The following LLGL1 variants were observed in gnomAD, a reference collection of about 807,000 sequenced individuals.
LLGL1 encodes lethal(2) giant larvae protein homolog 1.
LLGL1 carries 58 observed loss-of-function variants against 110.6 expected under a neutral mutation model. That is an observed-to-expected ratio of 0.52 (90% confidence interval 0.42 to 0.65). The LOEUF is 0.65. Ranked by LOEUF, LLGL1 falls within the 30% of genes least tolerant of loss-of-function variation. The pLI, the probability that LLGL1 is intolerant of heterozygous loss-of-function variation, is 0.00. For missense variants in LLGL1, 1,229 were observed against 1,462.1 expected, an observed-to-expected ratio of 0.84 and a Z score of 2.60; for synonymous variants, 674 against 607.2, an observed-to-expected ratio of 1.11 and a Z score of -1.62.
intron 1 of LLGL1, among the ~76,000 whole-genome samples, chr17:18,227,996 G>A (rs929379720): frequency 2.0e-5 from 3 of 152,178 alleles, no homozygotes; most frequent in African/African-American, 7.2e-5. Flanking sequence ...TCCCAGTCCA[G>A]CCCACACATC....
chr17:18,226,563 C>T (rs749334043), intron 1 of LLGL1, among the ~76,000 whole-genome samples: 2 of 152,250 alleles, frequency 1.3e-5, no homozygotes, highest in Admixed American at 6.5e-5. Flanking sequence ...CTGTGTACTA[C>T]ACTGCACTTC....
chr17:18,225,836 C>T (rs1205932775), intron 1 of LLGL1, 73 bp downstream of exon 1: 1 of 369,486 alleles, frequency 2.7e-6, no homozygotes, highest in Non-Finnish European at 3.6e-6. Flanking sequence ...GGCCCGGGGT[C>T]GGAGCCACGT....
chr17:18,236,611 G>C lies in LLGL1; in HGVS notation c.1357G>C (p.Glu453Gln), dbSNP rs771867490. Residue 453 changes from glutamate (E) to glutamine (Q), a missense_variant, in exon 12 of 23, where the codon GAG (glutamate) becomes CAG (glutamine). Coordinates refer to ENST00000316843, the MANE Select transcript of LLGL1 (RefSeq NM_004140.4). ...TGACATCTGCCCTCCCTGCAGCCAT[G>C]AGGACGGCACCGTGAGGTTCTGGGA... ...SQRGLLLTGH[E>Q]DGTVRFWDAS... The C allele has an allele frequency of 1.4e-5, 22 of 1,609,754 alleles. No individual in the cohort carries two copies. Among genetic ancestry groups the C allele is most frequent in the Non-Finnish European group, 1.7e-5 (20 of 1,177,722 alleles).
Position 18,235,773 on chromosome 17 carries a change from C to T in LLGL1, c.1352+236C>T, listed in dbSNP as rs945933044. The T allele has an allele frequency of 7.4e-6, 4 of 542,218 alleles. No individual in the cohort carries two copies. The African/African-American group carries it at 7.6e-5, about 10-fold the overall frequency. 33.6% of individuals were successfully genotyped at this position (542,218 alleles called of 1,614,324 possible). Reference sequence around the variant, plus strand: ...GCTCTACCAAACCCCAGGGCTCCACCCGCCCAGCCTGCCTGCCCTGGGACT... The same window carrying T: ...GCTCTACCAAACCCCAGGGCTCCACTCGCCCAGCCTGCCTGCCCTGGGACT... On this transcript the variant is annotated intron_variant, in intron 11 of 22. Coordinates refer to ENST00000316843, the MANE Select transcript of LLGL1 (RefSeq NM_004140.4).
In LLGL1 at chr17:18,238,362, T is replaced by C. The variant is rs1015721475; in HGVS notation, c.2053-94T>C. ...AGAGGGATGGGTGAACTAAGCTGGG[T>C]GGTAGAGGAATGGTAACAGAACGTA... On this transcript the variant is annotated intron_variant, in intron 15 of 22. Transcript: ENST00000316843. 9.6e-6 allele frequency: 15 copies of C among 1,564,472 alleles called. No individual in the cohort carries two copies. The South Asian group carries it at 1.5e-4, about 16-fold the overall frequency.
chr17:18,225,715 C>A lies in LLGL1; in HGVS notation c.33C>A (p.Ala11=). 9.5e-7 allele frequency: 1 copy of A among 1,056,586 alleles called. No individual in the cohort carries two copies. Among genetic ancestry groups the A allele is most frequent in the Non-Finnish European group, 1.2e-6 (1 of 865,140 alleles). The allele number at this position is 1,056,586 out of a possible 1,614,324, so 65.5% of individuals were successfully genotyped here. A position where few individuals can be genotyped will look rare whatever the true frequency, so the allele number is the denominator to read the frequency against. MMKFRFRRQG[A]DPQREKLKQE... is the part of the protein sequence containing the mutation. ...AGTTTCGGTTCCGGCGGCAGGGCGC[C>A]GACCCGCAGCGCGAGAAGCTCAAGC... The change falls in exon 1 of 23, where the codon GCC becomes GCA. Residue 11 remains alanine, a synonymous_variant. Coordinates refer to ENST00000316843, the MANE Select transcript of LLGL1 (RefSeq NM_004140.4).
rs780533777 is a variant in LLGL1 at position 18,238,563 on chromosome 17, G to A, written c.2160G>A (p.Ser720=). The A allele has an allele frequency of 5.5e-5, 88 of 1,612,952 alleles. 1 individual carries two copies. Among genetic ancestry groups the A allele is most frequent in the South Asian group, 4.8e-4 (44 of 91,068 alleles). ...CCCGCTCTGCCGATGACTCCTTGTC[G>A]GGTGTCGTGCGTTGCCTATACTTTG... ...IEPRSADDSL[S]GVVRCLYFAD... Residue 720 remains serine (S), a synonymous_variant, in exon 16 of 23, where the codon TCG becomes TCA. Transcript: ENST00000316843.
At chr17:18,226,730 A>T (rs1368397475) in intron 1 of LLGL1, among the ~76,000 whole-genome samples, 3 of 152,116 alleles carry the variant, frequency 2.0e-5, no homozygotes, top group Non-Finnish European at 2.9e-5. Context: ...GGAGTGGGAC[A>T]CTAGGGGCCA....
intron 7 of LLGL1, 98 bp downstream of exon 7, chr17:18,234,506 G>A (rs1391572870): frequency 1.3e-6 from 2 of 1,580,234 alleles, no homozygotes; most frequent in African/African-American, 2.7e-5. Flanking sequence ...CGAGGGGGTG[G>A]TCTGGGGGCA....
In LLGL1 at chr17:18,240,745, G is replaced by A; in HGVS notation, c.2374G>A (p.Ala792Thr). ...VQLMHRAPVV[A>T]IAVLDGRGRP... is the part of the protein sequence containing the mutation. ...GCTGATGCACCGGGCGCCTGTGGTG[G>A]CCATTGCCGTGTTGGACGGGCGTGG... Residue 792 changes from alanine to threonine, a missense_variant, in exon 17 of 23, where the codon GCC becomes ACC. Ala to Thr is a moderately conservative substitution (Grantham distance 58, BLOSUM62 0). Coordinates refer to ENST00000316843, the MANE Select transcript of LLGL1 (RefSeq NM_004140.4). The surrounding 1 kb of genome is among the most constrained non-coding windows in gnomAD (Gnocchi z 5.3). 6.2e-7 allele frequency: 1 copy of A among 1,611,976 alleles called. No homozygotes were observed. The highest frequency in any genetic ancestry group is 8.5e-7 in the Non-Finnish European group (1 of 1,179,258).
In LLGL1 at chr17:18,240,540, C is replaced by T; in HGVS notation, c.2207-38C>T. 6.5e-7 allele frequency: 1 copy of T among 1,545,490 alleles called. No individual in the cohort carries two copies. Among genetic ancestry groups the T allele is most frequent in the Non-Finnish European group, 8.7e-7 (1 of 1,143,486 alleles). ...GAAGACCCCAGGGGAGATGCCTGGC[C>T]CACAGGGAGCACCCTCCTACGCGCT... On this transcript the variant is annotated intron_variant, in intron 16 of 22. Coordinates refer to ENST00000316843, the MANE Select transcript of LLGL1 (RefSeq NM_004140.4). The surrounding 1 kb of genome is among the most constrained non-coding windows in gnomAD (Gnocchi z 5.3).
chr17:18,234,594 G>T, intron 7 of LLGL1, 55 bp from the exon 8 acceptor site: 6 of 1,607,612 alleles, frequency 3.7e-6, no homozygotes, highest in Non-Finnish European at 5.1e-6. Context: ...AGCAGGAATG[G>T]CAGAATTGCT....
At chr17:18,239,835 G>A (rs753405921) in intron 16 of LLGL1, among the ~76,000 whole-genome samples, 7 of 152,042 alleles carry the variant, frequency 4.6e-5, no homozygotes, top group African/African-American at 7.2e-5. Flanking sequence ...CGAGAAGGCC[G>A]ATGGGTTCAT....
chr17:18,232,935 C>A, intron 4 of LLGL1, 133 bp downstream of exon 4: 2 of 1,171,418 alleles, frequency 1.7e-6, no homozygotes, highest in Non-Finnish European at 2.4e-6. Context: ...GGGCCTGGGT[C>A]CCAGGCTGCA....
At chr17:18,241,419 A>G (rs756982040) in intron 17 of LLGL1, 32 bp from the exon 18 acceptor site, 4 of 1,599,428 alleles carry the variant, frequency 2.5e-6, no homozygotes, top group Non-Finnish European at 3.4e-6. Context: ...GGACAGGGCC[A>G]GGCTTTGTGC....
rs750569469 is a variant in LLGL1 at position 18,233,800 on chromosome 17, G to A, written c.415G>A (p.Val139Ile). The A allele has an allele frequency of 1.7e-5, 28 of 1,613,806 alleles. No homozygotes were observed. The Admixed American group carries it at 4.3e-4, about 25-fold the overall frequency. The change falls in exon 5 of 23, where the codon GTC becomes ATC. Residue 139 changes from valine (V) to isoleucine (I), a missense_variant. Coordinates refer to ENST00000316843, the MANE Select transcript of LLGL1 (RefSeq NM_004140.4). ...CAGTGCTCCGCTCAGCCTTACCCGA[G>A]TCACAGTGGTCCTGCTGGTGGCTGC... ...GASAPLSLTRVTVVLLVAASD... is the reference protein window; with the variant it reads ...GASAPLSLTRITVVLLVAASD...
chr17:18,228,738 T>C (rs1234743353), intron 1 of LLGL1, among the ~76,000 whole-genome samples: 2 of 151,768 alleles, frequency 1.3e-5, no homozygotes, highest in African/African-American at 4.8e-5. Flanking sequence ...AGCAAGGGCG[T>C]GGTATTATTG....
At chr17:18,237,869 A>G (rs2047731156) in intron 14 of LLGL1, 96 bp downstream of exon 14, 4 of 1,392,588 alleles carry the variant, frequency 2.9e-6, no homozygotes, top group Non-Finnish European at 3.9e-6. Flanking sequence ...GGCAAAGGCC[A>G]CTAACCTCCA....
rs201547379 is a variant in LLGL1 at position 18,232,492 on chromosome 17, C to T, written c.180-3C>T. On this transcript the variant is annotated splice_polypyrimidine_tract_variant and splice_region_variant and intron_variant, in intron 2 of 22. Transcript: ENST00000316843. ...TATTTCCACCTTGACCTGCCACCCT[C>T]AGCTATGGTGCACCTGGCGTGGAGT... is the stretch of plus-strand genomic sequence containing the variant. 48 of 1,613,086 alleles carry T rather than the reference C, an allele frequency of 3.0e-5. No homozygotes were observed. The highest frequency in any genetic ancestry group is 4.0e-5 in the Non-Finnish European group (47 of 1,179,308).
Sources: gnomAD v4.1 joint callset for allele counts (sites outside exome capture counted in the v4.1 genomes callset) on GRCh38, gnomAD v4.1.1 for gene constraint, Gnocchi (gnomAD v3.1) non-coding constraint, MANE v1.5 for transcripts, NCBI Gene and HGNC (gene_info 2026-07-23, HGNC 2026-07-21) for gene names.